Variants in CAMTA1 observed in about 807,000 individuals in gnomAD.
CAMTA1 encodes calmodulin-binding transcription activator 1.
CAMTA1 carries 27 observed loss-of-function variants against 170.9 expected under a neutral mutation model. That is an observed-to-expected ratio of 0.16 (90% confidence interval 0.12 to 0.22). The LOEUF (loss-of-function observed/expected upper bound fraction) is 0.22, where lower values mean the gene tolerates loss of function less well. Ranked by LOEUF, CAMTA1 falls within the 10% of genes least tolerant of loss-of-function variation. The pLI is 1.00. For synonymous variants in CAMTA1, 833 were observed against 891.5 expected, an observed-to-expected ratio of 0.93 and a Z score of 1.17; for missense variants, 1,619 against 2,217.2, an observed-to-expected ratio of 0.73 and a Z score of 5.42.
At chr1:7,096,864 G>T (rs1156652175) in intron 4 of CAMTA1, among the ~76,000 whole-genome samples, 5 of 152,106 alleles carry the variant, frequency 3.3e-5, no homozygotes, top group African/African-American at 1.2e-4. Context: ...ATACTTCCTG[G>T]GAGCTGAGGT....
chr1:6,929,431 C>T lies in CAMTA1; in HGVS notation c.234+104221C>T, dbSNP rs1418047891. Among the ~76,000 whole-genome samples the T allele has an allele frequency of 2.6e-5, 4 of 152,058 alleles. No homozygotes were observed. The South Asian group carries it at 8.3e-4, about 32-fold the overall frequency. ...CAGCTGGAGTGCAGTGGCGTGATCT[C>T]AGCTCACTGCTAGCTCCGCCTCCTG... is the stretch of plus-strand genomic sequence containing the variant. On this transcript the variant is annotated intron_variant, in intron 3 of 22. Coordinates refer to ENST00000303635, the MANE Select transcript of CAMTA1 (RefSeq NM_015215.4).
chr1:6,966,262 G>A (rs761784515), intron 3 of CAMTA1, among the ~76,000 whole-genome samples: 3 of 151,830 alleles, frequency 2.0e-5, no homozygotes, highest in Admixed American at 1.3e-4. Flanking sequence ...TCACAAAAAC[G>A]TGCAACCATT....
intron 6 of CAMTA1, among the ~76,000 whole-genome samples, chr1:7,537,985 G>A (rs781370925): frequency 1.3e-5 from 2 of 152,114 alleles, no homozygotes; most frequent in African/African-American, 2.4e-5. Flanking sequence ...GTGGCTCTAG[G>A]TTTTTCTCTG....
chr1:7,492,887 A>C (rs2093741841), intron 6 of CAMTA1, among the ~76,000 whole-genome samples: 1 of 151,582 alleles, frequency 6.6e-6, no homozygotes, highest in Non-Finnish European at 1.5e-5. Flanking sequence ...ATGCACAAAC[A>C]CAAACCTACA....
At chr1:7,088,924 A>G (rs1419955515) in intron 3 of CAMTA1, among the ~76,000 whole-genome samples, 1 of 152,240 alleles carries the variant, frequency 6.6e-6, no homozygotes, top group African/African-American at 2.4e-5. Flanking sequence ...ATGAGAACCA[A>G]TTGACAAACC....
In CAMTA1 at chr1:7,664,124, C is replaced by A; in HGVS notation, c.1577C>A (p.Thr526Asn). ...PPGERSFSFT[T>N]VLTKEIKTED... Reference sequence around the variant, plus strand: ...GGGGAGCGGAGCTTCAGCTTTACCACCGTCCTCACCAAGGAGATCAAGACC... The same window carrying A: ...GGGGAGCGGAGCTTCAGCTTTACCAACGTCCTCACCAAGGAGATCAAGACC... The change falls in exon 9 of 23, where the codon ACC becomes AAC. Residue 526 changes from threonine (T) to asparagine (N), a missense_variant. Transcript: ENST00000303635. The A allele has an allele frequency of 1.9e-6, 3 of 1,613,394 alleles. No homozygotes were observed. Among genetic ancestry groups the A allele is most frequent in the African/African-American group, 1.3e-5 (1 of 75,078 alleles).
At position 7,455,574 on chromosome 1, in the gene CAMTA1, C is replaced by T. The variant is rs976333682; in HGVS notation, c.439-12256C>T. 3.3e-5 allele frequency among the ~76,000 whole-genome samples: 5 copies of T among 152,230 alleles called. No individual in the cohort carries two copies. Among genetic ancestry groups the T allele is most frequent in the Admixed American group, 2.0e-4 (3 of 15,286 alleles). The stretch of plus-strand genomic sequence containing the variant: ...TGCTTCATAAGCAAAACCCTGTTGT[C>T]CGTTTTAAGCAAGAATCCCTGCCCA... On this transcript the variant is annotated intron_variant, in intron 5 of 22. Coordinates refer to ENST00000303635, the MANE Select transcript of CAMTA1 (RefSeq NM_015215.4). This position sits in a 1 kb window ranked among gnomAD's most constrained non-coding sequence, Gnocchi z 5.0.
intron 5 of CAMTA1, among the ~76,000 whole-genome samples, chr1:7,303,989 G>C (rs1248878740): frequency 6.6e-6 from 1 of 152,202 alleles, no homozygotes; most frequent in Non-Finnish European, 1.5e-5. Flanking sequence ...CTGTGGTTCT[G>C]CTTCTCTGAG....
At chr1:7,660,918 G>A (rs760001798) in intron 7 of CAMTA1, among the ~76,000 whole-genome samples, 1 of 152,190 alleles carries the variant, frequency 6.6e-6, no homozygotes, top group Non-Finnish European at 1.5e-5. Flanking sequence ...CCCCTTGGCC[G>A]GGTCTGCTCC....
intron 4 of CAMTA1, among the ~76,000 whole-genome samples, chr1:7,182,515 A>G (rs1203892383): frequency 1.3e-5 from 2 of 150,568 alleles, no homozygotes; most frequent in Non-Finnish European, 3.0e-5. Context: ...AAAAAAAAAC[A>G]CTAGAAGAAA....
chr1:7,654,106 C>T (rs945222012), intron 7 of CAMTA1, among the ~76,000 whole-genome samples: 1 of 151,946 alleles, frequency 6.6e-6, no homozygotes, highest in Non-Finnish European at 1.5e-5. Flanking sequence ...AAGGGCTAGG[C>T]GTGGTGGCTC....
chr1:7,676,958 C>A (rs749246322), intron 10 of CAMTA1, among the ~76,000 whole-genome samples: 1 of 152,162 alleles, frequency 6.6e-6, no homozygotes, highest in African/African-American at 2.4e-5. Context: ...GTTAACGAGA[C>A]CTGCCAGGGC....
intron 6 of CAMTA1, among the ~76,000 whole-genome samples, chr1:7,472,762 G>A (rs959224988): frequency 2.0e-5 from 3 of 152,162 alleles, no homozygotes; most frequent in Admixed American, 2.0e-4. Context: ...TCACCCCCTA[G>A]AGCAGGCACC....
At chr1:7,096,182 A>G (rs891408356) in intron 4 of CAMTA1, among the ~76,000 whole-genome samples, 3 of 152,192 alleles carry the variant, frequency 2.0e-5, no homozygotes, top group African/African-American at 7.2e-5. Context: ...TCTAGAAGGA[A>G]AGGAGGAGAA....
chr1:7,593,977 G>T (rs1424265857), intron 6 of CAMTA1, among the ~76,000 whole-genome samples: 1 of 151,202 alleles, frequency 6.6e-6, no homozygotes, highest in East Asian at 2.0e-4. Flanking sequence ...GGGAGGTGGA[G>T]GTTGCAGTGA....
intron 5 of CAMTA1, among the ~76,000 whole-genome samples, chr1:7,418,872 G>A (rs931338326): frequency 4.6e-5 from 7 of 152,028 alleles, no homozygotes; most frequent in Admixed American, 6.5e-5. Context: ...GCCGGGACCC[G>A]AATCTGGACC....
chr1:7,410,895 G>A (rs866091113), intron 5 of CAMTA1, among the ~76,000 whole-genome samples: 10 of 32,220 alleles, frequency 3.1e-4, no homozygotes, highest in Middle Eastern at 0.019. Flanking sequence ...GAGGGTGGGC[G>A]TCTGTGTGTG....
intron 3 of CAMTA1, among the ~76,000 whole-genome samples, chr1:6,892,098 A>T (rs1467806153): frequency 1.3e-5 from 2 of 152,326 alleles, no homozygotes. Flanking sequence ...GCTAACCTCT[A>T]CTTCAGCAAC....
At chr1:7,102,023 AACACAC>A (rs57209159) in intron 4 of CAMTA1, among the ~76,000 whole-genome samples, 14,538 of 148,552 alleles carry the variant, frequency 0.098, 762 homozygotes, top group Middle Eastern at 0.17. Flanking sequence ...ATAAATACAC[AACACAC>A]ACACACACAC....
Sources: allele counts gnomAD v4.1 joint callset (sites outside exome capture counted in the v4.1 genomes callset), GRCh38; gene constraint gnomAD v4.1.1; non-coding constraint Gnocchi (gnomAD v3.1); transcripts MANE v1.5; gene names NCBI Gene and HGNC (gene_info 2026-07-23, HGNC 2026-07-21).